The following TRPC6 variants were observed in gnomAD, a reference collection of about 807,000 sequenced individuals.
TRPC6 encodes short transient receptor potential channel 6.
Under a neutral mutation model 90.7 loss-of-function variants are expected in TRPC6, and 55 were observed. That is an observed-to-expected ratio of 0.61 (90% CI 0.49 to 0.76). The LOEUF is 0.76. TRPC6 is among the 30% of genes least tolerant of loss of function. The pLI is 0.00. For synonymous variants in TRPC6, 393 were observed against 393.0 expected (o/e 1.00, Z 0.00); for missense variants, 989 against 1,122.7 (o/e 0.88, Z 1.70).
intron 1 of TRPC6, among the ~76,000 whole-genome samples, chr11:101,516,679 A>C (rs1860530487): frequency 6.6e-6 from 1 of 152,236 alleles, no homozygotes; most frequent in African/African-American, 2.4e-5. Flanking sequence ...CCTGTGGTTC[A>C]TTATCTGGCT....
chr11:101,583,312 G>A, intron 1 of TRPC6, 22 bp downstream of exon 1: 1 of 1,563,036 alleles, frequency 6.4e-7, no homozygotes, highest in Non-Finnish European at 8.7e-7. Flanking sequence ...CGCCCGATCC[G>A]CCCCGCGTCG....
chr11:101,555,654 G>C (rs1004470396), intron 1 of TRPC6, among the ~76,000 whole-genome samples: 1 of 152,188 alleles, frequency 6.6e-6, no homozygotes, highest in African/African-American at 2.4e-5. Flanking sequence ...TTATGTAAGA[G>C]AATGCAAACT....
intron 2 of TRPC6, among the ~76,000 whole-genome samples, chr11:101,500,867 G>T (rs1264149468): frequency 1.3e-5 from 2 of 152,090 alleles, no homozygotes; most frequent in Non-Finnish European, 2.9e-5. Context: ...CTTAGTTGAT[G>T]GTGGGCATGA....
At chr11:101,479,056 C>T (rs1167856185) in intron 5 of TRPC6, among the ~76,000 whole-genome samples, 1 of 152,116 alleles carries the variant, frequency 6.6e-6, no homozygotes, top group African/African-American at 2.4e-5. Flanking sequence ...CCTCAGATTC[C>T]ACTGGGTCTT....
At chr11:101,537,591 A>G (rs1861080845) in intron 1 of TRPC6, among the ~76,000 whole-genome samples, 1 of 152,168 alleles carries the variant, frequency 6.6e-6, no homozygotes, top group Admixed American at 6.5e-5. Context: ...CTTCTTCATG[A>G]AGGGATCTTG....
At chr11:101,510,093 T>A (rs578010008) in intron 1 of TRPC6, among the ~76,000 whole-genome samples, 2 of 152,270 alleles carry the variant, frequency 1.3e-5, no homozygotes, top group African/African-American at 4.8e-5. Context: ...ACAAAACGCA[T>A]GCTTTGCTGC....
In TRPC6 at chr11:101,504,422, G is replaced by A; in HGVS notation, c.547C>T (p.His183Tyr). The A allele has an allele frequency of 1.2e-6, 2 of 1,614,104 alleles. No individual in the cohort carries two copies. Among genetic ancestry groups the A allele is most frequent in the Middle Eastern group, 1.6e-4 (1 of 6,062 alleles). The change falls in exon 2 of 13, where the codon CAT becomes TAT. Residue 183 changes from histidine (H) to tyrosine (Y), a missense_variant. Transcript: ENST00000344327. ...CTCTTGCCTTCAGCAAAAGCCGGAT[G>A]ACTGAGAATTGCTTCCACAATCCGA... ...YVRIVEAILS[H>Y]PAFAEGKRLA...
intron 1 of TRPC6, among the ~76,000 whole-genome samples, chr11:101,539,537 A>G (rs1861125794): frequency 6.6e-6 from 1 of 152,154 alleles, no homozygotes; most frequent in South Asian, 2.1e-4. Flanking sequence ...ACACCTTGTC[A>G]CCAATTTTGT....
chr11:101,533,352 CAA>C (rs572581527), intron 1 of TRPC6, among the ~76,000 whole-genome samples: 84 of 152,130 alleles, frequency 5.5e-4, no homozygotes, highest in Non-Finnish European at 8.7e-4. Context: ...AGAATGGGAG[CAA>C]GAGAGAGAGA....
At chr11:101,549,949 AATG>A (rs1324573676) in intron 1 of TRPC6, among the ~76,000 whole-genome samples, 1 of 151,552 alleles carries the variant, frequency 6.6e-6, no homozygotes, top group Non-Finnish European at 1.5e-5. Context: ...CAGTATAAAG[AATG>A]ATATCAAAAG....
intron 1 of TRPC6, among the ~76,000 whole-genome samples, chr11:101,527,968 G>A (rs906748872): frequency 6.6e-6 from 1 of 152,096 alleles, no homozygotes; most frequent in Non-Finnish European, 1.5e-5. Flanking sequence ...AGCTACTCAG[G>A]AGGCTGAGGC....
At chr11:101,546,744 T>C (rs1861315920) in intron 1 of TRPC6, among the ~76,000 whole-genome samples, 2 of 152,196 alleles carry the variant, frequency 1.3e-5, no homozygotes, top group African/African-American at 4.8e-5. Context: ...TGATGAAATT[T>C]AACTTCTATT....
intron 1 of TRPC6, among the ~76,000 whole-genome samples, chr11:101,513,794 C>A (rs538775121): frequency 2.6e-5 from 4 of 152,216 alleles, no homozygotes; most frequent in African/African-American, 9.6e-5. Flanking sequence ...ATGAACAACT[C>A]TTATGTGGAG....
At position 101,458,387 on chromosome 11, in the gene TRPC6, C is replaced by G. The variant is rs375120860; in HGVS notation, c.2485-3286G>C. Among the ~76,000 whole-genome samples the G allele has an allele frequency of 1.1e-4, 16 of 152,262 alleles. No homozygotes were observed. The East Asian group carries it at 2.9e-3, about 28-fold the overall frequency. On this transcript the variant is annotated intron_variant, in intron 10 of 12. Coordinates refer to ENST00000344327, the MANE Select transcript of TRPC6 (RefSeq NM_004621.6). ...GCATTATAACCTCCTAAGCTCTACC[C>G]TACATGGTTTAAAAACCTGCCCTAA... is the stretch of plus-strand genomic sequence containing the variant.
intron 10 of TRPC6, among the ~76,000 whole-genome samples, chr11:101,467,221 C>A (rs1859170357): frequency 6.6e-6 from 1 of 152,032 alleles, no homozygotes; most frequent in Non-Finnish European, 1.5e-5. Context: ...TTATTTTTTT[C>A]TAGATATGCC....
chr11:101,574,517 T>C (rs1862034358), intron 1 of TRPC6, among the ~76,000 whole-genome samples: 1 of 151,256 alleles, frequency 6.6e-6, no homozygotes, highest in Admixed American at 6.6e-5. Flanking sequence ...GTGCCTAACA[T>C]ACCAAAGGAA....
At chr11:101,490,469 T>C (rs1321579484) in intron 3 of TRPC6, among the ~76,000 whole-genome samples, 1 of 152,178 alleles carries the variant, frequency 6.6e-6, no homozygotes, top group East Asian at 1.9e-4. Context: ...ATCTATCTAT[T>C]TATTTTGAGA....
intron 5 of TRPC6, among the ~76,000 whole-genome samples, chr11:101,478,827 T>C (rs531287313): frequency 6.6e-6 from 1 of 152,176 alleles, no homozygotes; most frequent in Non-Finnish European, 1.5e-5. Context: ...TTTTGCCCTC[T>C]AGACAGGTAG....
At chr11:101,461,541 C>T (rs1859005526) in intron 10 of TRPC6, among the ~76,000 whole-genome samples, 1 of 152,204 alleles carries the variant, frequency 6.6e-6, no homozygotes, top group Admixed American at 6.5e-5. Context: ...CAGTGCACTC[C>T]AGCCTGGGTG....
Sources: gnomAD v4.1 joint callset for allele counts (sites outside exome capture counted in the v4.1 genomes callset) on GRCh38, gnomAD v4.1.1 for gene constraint, MANE v1.5 for transcripts, NCBI Gene and HGNC (gene_info 2026-07-23, HGNC 2026-07-21) for gene names.